KBTBD12: variants seen among roughly 807,000 people sequenced by gnomAD.
The protein encoded by KBTBD12 is kelch repeat and BTB domain-containing protein 12.
Under a neutral mutation model 58.7 loss-of-function variants are expected in KBTBD12, and 53 were observed. That is an observed-to-expected ratio of 0.90 (90% CI 0.72 to 1.14). The LOEUF is 1.14. KBTBD12 is among the 50% of genes most tolerant of loss of function. The pLI is 0.00. For missense variants in KBTBD12, 704 were observed against 751.3 expected (o/e 0.94, Z 0.74); for synonymous variants, 236 against 259.8 (o/e 0.91, Z 0.88).
intron 4 of KBTBD12, among the ~76,000 whole-genome samples, chr3:127,930,910 C>T (rs1484284619): frequency 6.6e-6 from 1 of 152,122 alleles, no homozygotes; most frequent in Admixed American, 6.6e-5. Context: ...CTTCTCCATT[C>T]CTTGATTTTT....
intron 4 of KBTBD12, among the ~76,000 whole-genome samples, chr3:127,934,504 A>G (rs1939781686): frequency 6.6e-6 from 1 of 152,162 alleles, no homozygotes; most frequent in Admixed American, 6.5e-5. Flanking sequence ...GAAATGAGAG[A>G]GAGAAGTAAT....
intron 2 of KBTBD12, among the ~76,000 whole-genome samples, chr3:127,926,228 T>TA (rs1227513258): frequency 3.9e-5 from 6 of 152,156 alleles, no homozygotes; most frequent in African/African-American, 1.2e-4. Flanking sequence ...AAAATCAGAT[T>TA]AGGAAGTCAC....
chr3:127,968,947 T>C (rs1202499681), intron 5 of KBTBD12, among the ~76,000 whole-genome samples: 1 of 152,136 alleles, frequency 6.6e-6, no homozygotes, highest in Non-Finnish European at 1.5e-5. Context: ...CTCAGCCCGA[T>C]AAAGGGTATT....
At chr3:127,938,018 A>T (rs1347851941) in intron 4 of KBTBD12, among the ~76,000 whole-genome samples, 1 of 152,192 alleles carries the variant, frequency 6.6e-6, no homozygotes, top group African/African-American at 2.4e-5. Flanking sequence ...CTGAAAGCAG[A>T]CCACCAGCAG....
At chr3:127,981,677 C>T (rs1352533515) in intron 5 of KBTBD12, among the ~76,000 whole-genome samples, 1 of 152,156 alleles carries the variant, frequency 6.6e-6, no homozygotes, top group Non-Finnish European at 1.5e-5. Context: ...CACGGTGGCT[C>T]ACACTTGTAA....
chr3:127,935,823 C>G (rs950885786), intron 4 of KBTBD12, among the ~76,000 whole-genome samples: 4 of 152,074 alleles, frequency 2.6e-5, no homozygotes, highest in Non-Finnish European at 4.4e-5. Flanking sequence ...AATATATGCT[C>G]TCTATAAGAG....
At chr3:127,978,366 A>G (rs1253530695) in intron 5 of KBTBD12, among the ~76,000 whole-genome samples, 1 of 152,228 alleles carries the variant, frequency 6.6e-6, no homozygotes, top group African/African-American at 2.4e-5. Context: ...TGGAGCAGCA[A>G]TCTGAGAACT....
At chr3:127,939,270 C>A (rs766309857) in intron 4 of KBTBD12, among the ~76,000 whole-genome samples, 9 of 152,208 alleles carry the variant, frequency 5.9e-5, no homozygotes, top group Non-Finnish European at 1.3e-4. Flanking sequence ...TTGCTTTCGT[C>A]TTTTCCTTTC....
intron 4 of KBTBD12, among the ~76,000 whole-genome samples, chr3:127,959,713 A>C (rs560234533): frequency 5.3e-5 from 8 of 152,238 alleles, no homozygotes; most frequent in Non-Finnish European, 1.2e-4. Context: ...GTATACAACA[A>C]ATGGGAGTTC....
At chr3:127,931,394 A>G (rs944039629) in intron 4 of KBTBD12, among the ~76,000 whole-genome samples, 2 of 152,110 alleles carry the variant, frequency 1.3e-5, no homozygotes, top group Non-Finnish European at 2.9e-5. Context: ...CTCTTGATAT[A>G]TATTTCTTAC....
intron 4 of KBTBD12, among the ~76,000 whole-genome samples, chr3:127,940,214 A>C (rs1188701540): frequency 2.0e-5 from 3 of 152,152 alleles, no homozygotes; most frequent in Non-Finnish European, 2.9e-5. Context: ...ATAGAAAAAC[A>C]ACAAGTACCT....
chr3:127,970,299 G>A (rs544295231), intron 5 of KBTBD12, among the ~76,000 whole-genome samples: 1 of 152,266 alleles, frequency 6.6e-6, no homozygotes, highest in East Asian at 1.9e-4. Context: ...TCGAGGTTTG[G>A]AGAAATCAAA....
intron 5 of KBTBD12, among the ~76,000 whole-genome samples, chr3:127,968,652 C>T (rs922210302): frequency 1.3e-5 from 2 of 152,128 alleles, no homozygotes; most frequent in Non-Finnish European, 1.5e-5. Flanking sequence ...TCAGGAAGAA[C>T]AGCTAATGGA....
chr3:127,983,890 C>T (rs1940919279), intron 5 of KBTBD12, among the ~76,000 whole-genome samples: 1 of 152,182 alleles, frequency 6.6e-6, no homozygotes, highest in South Asian at 2.1e-4. Flanking sequence ...ATGCAGATCC[C>T]CAGTCTTGAA....
intron 4 of KBTBD12, among the ~76,000 whole-genome samples, chr3:127,931,058 C>G (rs1012712009): frequency 6.6e-6 from 1 of 152,084 alleles, no homozygotes; most frequent in Non-Finnish European, 1.5e-5. Context: ...GAAATGATAC[C>G]TATGCCAATT....
intron 4 of KBTBD12, among the ~76,000 whole-genome samples, chr3:127,954,388 C>T (rs769211356): frequency 6.6e-6 from 1 of 152,146 alleles, no homozygotes; most frequent in Non-Finnish European, 1.5e-5. Flanking sequence ...TCACTGAAAT[C>T]TCATTATGAG....
chr3:127,966,318 G>GA lies in KBTBD12; in HGVS notation c.1690+2932_1690+2933insA, dbSNP rs1327724110. On this transcript the variant is annotated intron_variant, in intron 5 of 5. Coordinates refer to ENST00000405109, the MANE Select transcript of KBTBD12 (RefSeq NM_207335.4). ...GAATCTCACAGAAAAAGTCTTTTAT[G>GA]GCATCCCACTCTTAAAGATGAACAA... is the stretch of plus-strand genomic sequence containing the variant. Among the ~76,000 whole-genome samples the GA allele has an allele frequency of 4.6e-5, 7 of 152,208 alleles. No homozygotes were observed. In the East Asian group the frequency reaches 1.4e-3, roughly 29 times the overall value.
Position 127,963,397 on chromosome 3 carries a change from A to G in KBTBD12, c.1690+11A>G, listed in dbSNP as rs190391983. On this transcript the variant is annotated intron_variant, in intron 5 of 5. Transcript: ENST00000405109. ...GATTCCATGGAGCAGGTATGGGTCC[A>G]GTTTTAAACATTTTGTTACCTCCTT... The G allele has an allele frequency of 3.8e-6, 6 of 1,579,894 alleles. No individual in the cohort carries two copies. The highest frequency in any genetic ancestry group is 1.8e-5 in the Admixed American group (1 of 55,050).
chr3:127,987,246 G>A lies in KBTBD12; in HGVS notation c.*2968G>A, dbSNP rs1392090106. ...GATTTTTCTTTGATTCCATACAACA[G>A]ATTGCTTGCCTGGGTTAGTGCTTAT... is the stretch of plus-strand genomic sequence containing the variant. On this transcript the variant is annotated 3_prime_UTR_variant, in exon 6 of 6. Transcript: ENST00000405109. 2 of 152,214 alleles carry A rather than the reference G, an allele frequency of 1.3e-5. No homozygotes were observed. Among genetic ancestry groups the A allele is most frequent in the African/African-American group, 4.8e-5 (2 of 41,450 alleles). The allele number at this position is 152,214 out of a possible 1,614,324, so 9.4% of individuals were successfully genotyped here.
Sources: allele counts gnomAD v4.1 joint callset (sites outside exome capture counted in the v4.1 genomes callset), GRCh38; gene constraint gnomAD v4.1.1; transcripts MANE v1.5; gene names NCBI Gene and HGNC (gene_info 2026-07-23, HGNC 2026-07-21).